ERC1: variants seen among roughly 807,000 people sequenced by gnomAD.
ERC1 encodes the protein RAB6 interacting protein 2.
In ERC1, 56 loss-of-function variants were observed where a neutral mutation model predicts 132.0. The ratio of observed to expected loss-of-function variants is 0.42; its 90% CI spans 0.34 to 0.53. ERC1 has a LOEUF of 0.53. Ranked by LOEUF, ERC1 falls within the 20% of genes least tolerant of loss-of-function variation. The pLI, the probability that ERC1 is intolerant of heterozygous loss-of-function variation, is 0.03. For missense variants in ERC1, 1,202 were observed against 1,349.9 expected, an observed-to-expected ratio of 0.89 and a Z score of 1.72; for synonymous variants, 478 against 476.1, an observed-to-expected ratio of 1.00 and a Z score of -0.05.
chr12:1,347,959 G>A (rs2084640110), intron 15 of ERC1, among the ~76,000 whole-genome samples: 1 of 152,084 alleles, frequency 6.6e-6, no homozygotes, highest in East Asian at 1.9e-4. Flanking sequence ...CTCCAATCTG[G>A]TCAACAGAGT....
intron 18 of ERC1, among the ~76,000 whole-genome samples, chr12:1,470,293 CT>C (rs2093832810): frequency 6.6e-6 from 1 of 152,114 alleles, no homozygotes; most frequent in East Asian, 1.9e-4. Context: ...AAACTTCCTT[CT>C]CTCTTCCTGC....
intron 15 of ERC1, among the ~76,000 whole-genome samples, chr12:1,318,874 G>C (rs956298100): frequency 6.6e-6 from 1 of 152,114 alleles, no homozygotes; most frequent in African/African-American, 2.4e-5. Context: ...GCAGCAGGCC[G>C]TTTGCTGAGA....
chr12:1,155,354 C>A (rs1023953273), intron 8 of ERC1, among the ~76,000 whole-genome samples: 3 of 151,194 alleles, frequency 2.0e-5, no homozygotes, highest in African/African-American at 7.3e-5. Flanking sequence ...ATCATTTCAT[C>A]CAGCAGTCCC....
At chr12:1,282,125 A>G (rs776609529) in intron 14 of ERC1, among the ~76,000 whole-genome samples, 15 of 152,224 alleles carry the variant, frequency 9.9e-5, no homozygotes, top group Non-Finnish European at 1.6e-4. Flanking sequence ...AAGAGTGGGA[A>G]TGGGAACACT....
intron 15 of ERC1, among the ~76,000 whole-genome samples, chr12:1,344,417 T>G (rs1299993073): frequency 3.3e-5 from 5 of 152,100 alleles, no homozygotes; most frequent in Non-Finnish European, 7.4e-5. Context: ...GTGAAGAAGC[T>G]GTTGATCTCT....
chr12:1,393,157 A>G (rs1003345698), intron 16 of ERC1, among the ~76,000 whole-genome samples: 1 of 152,240 alleles, frequency 6.6e-6, no homozygotes, highest in Non-Finnish European at 1.5e-5. Flanking sequence ...GTTTTGACTC[A>G]GTTATATTCT....
At chr12:1,041,717 G>C (rs1203612323) in intron 2 of ERC1, among the ~76,000 whole-genome samples, 1 of 152,228 alleles carries the variant, frequency 6.6e-6, no homozygotes, top group Admixed American at 6.5e-5. Flanking sequence ...TCAAGGGTTA[G>C]GAAGTTACAC....
intron 12 of ERC1, among the ~76,000 whole-genome samples, chr12:1,190,614 T>C (rs1272637680): frequency 6.6e-6 from 1 of 152,204 alleles, no homozygotes; most frequent in East Asian, 1.9e-4. Context: ...GACTTGGAAT[T>C]CTTCAAAATA....
intron 12 of ERC1, among the ~76,000 whole-genome samples, chr12:1,218,732 T>G (rs2154294069): frequency 6.6e-6 from 1 of 151,978 alleles, no homozygotes. Flanking sequence ...ATTTTCTCCC[T>G]CTTTCACCTG....
intron 15 of ERC1, among the ~76,000 whole-genome samples, chr12:1,303,824 C>T (rs924093756): frequency 6.6e-6 from 1 of 151,476 alleles, no homozygotes; most frequent in Non-Finnish European, 1.5e-5. Context: ...TGTGGTGGCG[C>T]ATGCCTGTAA....
intron 15 of ERC1, among the ~76,000 whole-genome samples, chr12:1,294,099 C>G (rs955157292): frequency 6.6e-6 from 1 of 152,130 alleles, no homozygotes; most frequent in Non-Finnish European, 1.5e-5. Context: ...TCCCTTGGGA[C>G]TCCTCCTCAG....
intron 1 of ERC1, among the ~76,000 whole-genome samples, chr12:1,024,226 C>T (rs924498614): frequency 1.3e-5 from 2 of 152,070 alleles, no homozygotes; most frequent in African/African-American, 2.4e-5. Flanking sequence ...ACCAAAAATA[C>T]AAAAATTAGC....
At chr12:1,448,405 T>C (rs1216962802) in intron 18 of ERC1, among the ~76,000 whole-genome samples, 1 of 152,230 alleles carries the variant, frequency 6.6e-6, no homozygotes, top group East Asian at 1.9e-4. Context: ...ACCCATTTCG[T>C]GCTTCCTTAC....
intron 8 of ERC1, among the ~76,000 whole-genome samples, chr12:1,144,658 A>G (rs1459805610): frequency 6.6e-6 from 1 of 150,780 alleles, no homozygotes; most frequent in Non-Finnish European, 1.5e-5. Flanking sequence ...ACGTATATAT[A>G]TATATACACA....
chr12:1,118,811 T>C (rs1946734123), intron 7 of ERC1, among the ~76,000 whole-genome samples: 1 of 152,222 alleles, frequency 6.6e-6, no homozygotes, highest in South Asian at 2.1e-4. Context: ...GACTTCGATC[T>C]AACACTCGGA....
chr12:1,133,112 C>T (rs1334677607), intron 7 of ERC1, among the ~76,000 whole-genome samples: 1 of 151,938 alleles, frequency 6.6e-6, no homozygotes, highest in African/African-American at 2.4e-5. Flanking sequence ...CCCACCTCGG[C>T]CTCCCAAAGT....
chr12:1,151,422 A>G (rs184310083), intron 8 of ERC1, among the ~76,000 whole-genome samples: 1 of 152,350 alleles, frequency 6.6e-6, no homozygotes, highest in East Asian at 1.9e-4. Flanking sequence ...AATATTGAAT[A>G]TCTCATGAAC....
intron 2 of ERC1, among the ~76,000 whole-genome samples, chr12:1,030,184 A>G (rs1249169906): frequency 6.6e-6 from 1 of 152,158 alleles, no homozygotes; most frequent in Admixed American, 6.5e-5. Flanking sequence ...AAGCTGTCTT[A>G]TACTCTTAAA....
chr12:1,445,076 T>C (rs2154411521), intron 18 of ERC1: 1 of 242,224 alleles, frequency 4.1e-6, no homozygotes. Context: ...TTTTGAAATA[T>C]GTATACATTG....
Sources: allele counts gnomAD v4.1 joint callset (sites outside exome capture counted in the v4.1 genomes callset), GRCh38; gene constraint gnomAD v4.1.1; transcripts MANE v1.5; gene names NCBI Gene and HGNC (gene_info 2026-07-23, HGNC 2026-07-21).